Variants in PCBP3 observed in about 807,000 individuals in gnomAD.
PCBP3 encodes the protein poly(rC) binding protein 3.
In PCBP3, 25 loss-of-function variants were observed where a neutral mutation model predicts 52.7. The ratio of observed to expected loss-of-function variants is 0.47; its 90% CI spans 0.35 to 0.66. The LOEUF is 0.66. Ranked by LOEUF, PCBP3 falls within the 30% of genes least tolerant of loss-of-function variation. The pLI, the probability that PCBP3 is intolerant of heterozygous loss-of-function variation, is 0.01. For synonymous variants in PCBP3, 162 were observed against 183.0 expected (o/e 0.89, Z 0.93); for missense variants, 391 against 490.3 (o/e 0.80, Z 1.91).
intron 4 of PCBP3, among the ~76,000 whole-genome samples, chr21:45,793,319 G>T (rs550243693): frequency 3.9e-5 from 6 of 152,076 alleles, no homozygotes; most frequent in Admixed American, 3.9e-4. Context: ...AACTGTTACC[G>T]CACTCAGACG....
intron 1 of PCBP3, among the ~76,000 whole-genome samples, chr21:45,657,977 T>C (rs2080126765): frequency 1.3e-5 from 2 of 152,222 alleles, no homozygotes; most frequent in African/African-American, 2.4e-5. Context: ...TGGACATCAT[T>C]GTTTGTTCCT....
At position 45,736,081 on chromosome 21, in the gene PCBP3, C is replaced by A. The variant is rs1347199692; in HGVS notation, c.-162+652C>A. On this transcript the variant is annotated intron_variant, in intron 3 of 17. Transcript: ENST00000681687. This position sits in a 1 kb window ranked among gnomAD's most constrained non-coding sequence, Gnocchi z 4.6. Reference sequence around the variant, plus strand: ...TTAAAGGTCATTTTCAAAACGTTTTCAGCAGGAACTTGGTGTATATTTGCA... The same window carrying A: ...TTAAAGGTCATTTTCAAAACGTTTTAAGCAGGAACTTGGTGTATATTTGCA... Among the ~76,000 whole-genome samples, 1 of 152,242 alleles carries A rather than the reference C, an allele frequency of 6.6e-6. No homozygotes were observed. Among genetic ancestry groups the A allele is most frequent in the Non-Finnish European group, 1.5e-5 (1 of 68,048 alleles).
chr21:45,898,159 T>G (rs1383604666), intron 6 of PCBP3, among the ~76,000 whole-genome samples: 1 of 152,190 alleles, frequency 6.6e-6, no homozygotes, highest in Non-Finnish European at 1.5e-5. Context: ...TGGGGCTCTC[T>G]GTGAGGCCAG....
At chr21:45,789,584 C>T (rs574658631) in intron 4 of PCBP3, among the ~76,000 whole-genome samples, 46 of 152,246 alleles carry the variant, frequency 3.0e-4, no homozygotes, top group African/African-American at 1.1e-3. Context: ...GTCCCCAGCA[C>T]GAAGGCTTTA....
intron 16 of PCBP3, among the ~76,000 whole-genome samples, chr21:45,938,114 A>G (rs953219735): frequency 2.6e-5 from 4 of 152,196 alleles, no homozygotes; most frequent in Non-Finnish European, 5.9e-5. Flanking sequence ...GTTAGAAGAC[A>G]GGGGCAGATG....
chr21:45,799,015 A>T (rs1313463594), intron 4 of PCBP3, among the ~76,000 whole-genome samples: 1 of 150,138 alleles, frequency 6.7e-6, no homozygotes, highest in Non-Finnish European at 1.5e-5. Flanking sequence ...GAGAGAGTGA[A>T]TGGATGTGTA....
At chr21:45,938,106 T>C (rs563803137) in intron 16 of PCBP3, among the ~76,000 whole-genome samples, 2 of 152,200 alleles carry the variant, frequency 1.3e-5, no homozygotes, top group East Asian at 3.9e-4. Context: ...GCGAGGCAGT[T>C]AGAAGACAGG....
intron 11 of PCBP3, chr21:45,911,395 G>C: frequency 8.0e-6 from 2 of 250,124 alleles, no homozygotes; most frequent in Non-Finnish European, 1.6e-5. Flanking sequence ...GCCTTGGGGG[G>C]CAGCTGGGGG....
At position 45,803,560 on chromosome 21, in the gene PCBP3, T is replaced by C. The variant is rs549036985; in HGVS notation, c.-125-46401T>C. Among the ~76,000 whole-genome samples the C allele has an allele frequency of 6.6e-5, 10 of 152,294 alleles. No individual in the cohort carries two copies. The East Asian group carries it at 1.7e-3, about 27-fold the overall frequency. ...TCGGGAAAAAGCCGTGGTGGTTTTA[T>C]ACTGCCAGTGCCGGGAGCTTTCCCA... On this transcript the variant is annotated intron_variant, in intron 4 of 17. Coordinates refer to ENST00000681687, the MANE Select transcript of PCBP3 (RefSeq NM_001384156.1).
In PCBP3 at chr21:45,821,346, A is replaced by G. The variant is rs948476996; in HGVS notation, c.-125-28615A>G. On this transcript the variant is annotated intron_variant, in intron 4 of 17. Transcript: ENST00000681687. This position sits in a 1 kb window ranked among gnomAD's most constrained non-coding sequence, Gnocchi z 4.4. ...TGATGTCCAGCCCAGGAGGTCCTCA[A>G]CTGAGGTCCAGTACCCCCCTGCACC... 3.3e-5 allele frequency among the ~76,000 whole-genome samples: 5 copies of G among 152,010 alleles called. No individual in the cohort carries two copies. The highest frequency in any genetic ancestry group is 3.3e-4 in the Admixed American group (5 of 15,282).
intron 7 of PCBP3, among the ~76,000 whole-genome samples, chr21:45,900,194 C>A (rs2095992718): frequency 6.6e-6 from 1 of 152,202 alleles, no homozygotes; most frequent in African/African-American, 2.4e-5. Flanking sequence ...CTCCCAAACG[C>A]TTGAGAGGGC....
rs1208190207 is a variant in PCBP3, at chr21:45,837,765, G to A, written c.-125-12196G>A. On this transcript the variant is annotated intron_variant, in intron 4 of 17. Coordinates refer to ENST00000681687, the MANE Select transcript of PCBP3 (RefSeq NM_001384156.1). The surrounding 1 kb of genome is among the most constrained non-coding windows in gnomAD (Gnocchi z 4.1). ...GTTGCACCGCATGGCATGATGAGGC[G>A]TGTGGTCTGGCCGCTCCTTCACTGG... is the stretch of plus-strand genomic sequence containing the variant. 1.3e-5 allele frequency among the ~76,000 whole-genome samples: 2 copies of A among 152,186 alleles called. No individual in the cohort carries two copies. Among genetic ancestry groups the A allele is most frequent in the Admixed American group, 6.5e-5 (1 of 15,280 alleles).
rs373962367 is a variant in PCBP3 at position 45,939,479 on chromosome 21, G to A, written c.910-551G>A. Among the ~76,000 whole-genome samples the A allele has an allele frequency of 9.8e-5, 15 of 152,374 alleles. No homozygotes were observed. The South Asian group carries it at 2.5e-3, about 25-fold the overall frequency. ...AACAGGGGAATGAAAGGAGGCACCCGAATGGCCTCAGAGTTTAATCTAAGT... is the reference window on the plus strand; with the variant it reads ...AACAGGGGAATGAAAGGAGGCACCCAAATGGCCTCAGAGTTTAATCTAAGT... On this transcript the variant is annotated intron_variant, in intron 16 of 17. Transcript: ENST00000681687.
chr21:45,744,146 A>G (rs1038102686), intron 3 of PCBP3: 1 of 151,796 alleles, frequency 6.6e-6, no homozygotes, highest in Non-Finnish European at 1.5e-5. Flanking sequence ...ATGTATGTAT[A>G]TAACATATAT....
intron 16 of PCBP3, 55 bp from the exon 17 acceptor site, chr21:45,939,975 C>A: frequency 6.5e-7 from 1 of 1,544,340 alleles, no homozygotes; most frequent in Non-Finnish European, 8.9e-7. Flanking sequence ...TGCCCACAGT[C>A]TTCAGGGGCT....
chr21:45,815,540 T>TGGTG (rs2092894681), intron 4 of PCBP3, among the ~76,000 whole-genome samples: 1 of 17,072 alleles, frequency 5.9e-5, no homozygotes, highest in African/African-American at 4.8e-4. Context: ...GAGTGGTGAG[T>TGGTG]AGTGAGTGAT....
chr21:45,941,982 G>A lies in PCBP3; in HGVS notation c.*276G>A. The A allele has an allele frequency of 2.5e-6, 1 of 396,858 alleles. No individual in the cohort carries two copies. The highest frequency in any genetic ancestry group is 3.9e-5 in the East Asian group (1 of 25,866). The allele number at this position is 396,858 out of a possible 1,614,324, so 24.6% of individuals were successfully genotyped here. On this transcript the variant is annotated 3_prime_UTR_variant, in exon 18 of 18. Coordinates refer to ENST00000681687, the MANE Select transcript of PCBP3 (RefSeq NM_001384156.1). Reference sequence around the variant, plus strand: ...CCGGCATGCAGTGGTAATTATTTTAGAAATATTGTTCCTTGGTGTCAGCGT... The same window carrying A: ...CCGGCATGCAGTGGTAATTATTTTAAAAATATTGTTCCTTGGTGTCAGCGT...
chr21:45,814,215 G>A (rs954773596), intron 4 of PCBP3, among the ~76,000 whole-genome samples: 5 of 152,380 alleles, frequency 3.3e-5, no homozygotes, highest in Non-Finnish European at 5.9e-5. Context: ...GCACACCTGG[G>A]TAGGGCATTT....
At chr21:45,906,559 G>A (rs114591101) in intron 9 of PCBP3, among the ~76,000 whole-genome samples, 13 of 152,192 alleles carry the variant, frequency 8.5e-5, no homozygotes, top group Admixed American at 3.3e-4. Flanking sequence ...GGAACCTCTC[G>A]GAGCCTTTAG....
Sources: allele counts gnomAD v4.1 joint callset (sites outside exome capture counted in the v4.1 genomes callset), GRCh38; gene constraint gnomAD v4.1.1; non-coding constraint Gnocchi (gnomAD v3.1); transcripts MANE v1.5; gene names NCBI Gene and HGNC (gene_info 2026-07-23, HGNC 2026-07-21).